LRRN4: variants seen among roughly 807,000 people sequenced by gnomAD.
LRRN4 encodes leucine-rich repeat neuronal protein 4.
A neutral mutation model predicts 22.3 loss-of-function variants in LRRN4; 26 were observed. That is an observed-to-expected ratio of 1.16 (90% CI 0.85 to 1.62). LRRN4 has a LOEUF of 1.62. Ranked by LOEUF, LRRN4 falls within the 40% of genes most tolerant of loss-of-function variation. The probability of loss-of-function intolerance (pLI) is 0.00; values close to 1 mark genes in which losing one functional copy is unlikely to be tolerated. For missense variants in LRRN4, 1,070 were observed against 1,008.5 expected, an observed-to-expected ratio of 1.06 and a Z score of -0.83; for synonymous variants, 496 against 486.2, an observed-to-expected ratio of 1.02 and a Z score of -0.26.
Position 6,041,666 on chromosome 20 carries a change from A to G in LRRN4, c.1579T>C (p.Tyr527His). ...GEIPVLLLDD[Y>H]SEEEEGRKEE... ...TTCCTCCCTTCCTCCTCCTCACTGTAGTCGTCCAGCAGCAAGACTGGAATC... is the reference window on the plus strand; with the variant it reads ...TTCCTCCCTTCCTCCTCCTCACTGTGGTCGTCCAGCAGCAAGACTGGAATC... Residue 527 changes from tyrosine (Y) to histidine (H), a missense_variant, in exon 5 of 5, where the codon TAC becomes CAC. Transcript: ENST00000378858. The surrounding 1 kb of genome is among the most constrained non-coding windows in gnomAD (Gnocchi z 9.4). The G allele has an allele frequency of 6.2e-7, 1 of 1,611,386 alleles. No individual in the cohort carries two copies. Among genetic ancestry groups the G allele is most frequent in the East Asian group, 2.2e-5 (1 of 44,814 alleles).
At chr20:6,053,084 A>G (rs755386354) in intron 1 of LRRN4, among the ~76,000 whole-genome samples, 21 of 151,988 alleles carry the variant, frequency 1.4e-4, no homozygotes, top group Non-Finnish European at 5.9e-5. Context: ...GGCCTTCTTC[A>G]TCTGTCCAAT....
Position 6,041,501 on chromosome 20 carries a change from G to C in LRRN4, c.1744C>G (p.Pro582Ala). 3 of 1,559,148 alleles carry C rather than the reference G, an allele frequency of 1.9e-6. No individual in the cohort carries two copies. Among genetic ancestry groups the C allele is most frequent in the Non-Finnish European group, 2.6e-6 (3 of 1,152,048 alleles). Residue 582 changes from proline to alanine, a missense_variant, in exon 5 of 5, where the codon CCG (proline) becomes GCG (alanine). Transcript: ENST00000378858. This position sits in a 1 kb window ranked among gnomAD's most constrained non-coding sequence, Gnocchi z 9.4. ...TCCGTCACCCCCTGCAGCCTGGGCG[G>C]GTCTGGGATGGTGTCTTCCCCGCTG... ...GLSGEDTIPDPPRLQGVTETT... is the reference protein window; with the variant it reads ...GLSGEDTIPDAPRLQGVTETT...
chr20:6,041,828 CTGAGA>C lies in LRRN4; in HGVS notation c.1412_1416del (p.Ile471SerfsTer57), dbSNP rs1387788565. The stretch of plus-strand genomic sequence containing the variant: ...TTGCTGGCCAGTGGGGTGGAGGCAG[CTGAGA>C]TATCAGGCTCAAGGACAAGCTCGGG... On this transcript the variant is annotated frameshift_variant, in exon 5 of 5. Coordinates refer to ENST00000378858, the MANE Select transcript of LRRN4 (RefSeq NM_152611.5). LOFTEE classifies it low-confidence loss of function (END_TRUNC). This position sits in a 1 kb window ranked among gnomAD's most constrained non-coding sequence, Gnocchi z 9.4. 1 of 1,614,022 alleles carries C rather than the reference CTGAGA, an allele frequency of 6.2e-7. No individual in the cohort carries two copies. Among genetic ancestry groups the C allele is most frequent in the African/African-American group, 1.3e-5 (1 of 74,924 alleles).
chr20:6,044,225 A>G (rs1370649802), intron 4 of LRRN4, among the ~76,000 whole-genome samples: 1 of 152,204 alleles, frequency 6.6e-6, no homozygotes. Context: ...AAGCCAGACT[A>G]CACTTCCCAG....
chr20:6,051,538 A>G (rs1289205715), intron 2 of LRRN4, among the ~76,000 whole-genome samples: 1 of 152,168 alleles, frequency 6.6e-6, no homozygotes, highest in East Asian at 1.9e-4. Flanking sequence ...AGTGTTTTTT[A>G]AAAAATAGTA....
rs1980925673 is a variant in LRRN4, at chr20:6,041,226, G to A, written c.2019C>T (p.Ala673=). The A allele has an allele frequency of 1.3e-6, 2 of 1,581,810 alleles. No homozygotes were observed. Among genetic ancestry groups the A allele is most frequent in the Non-Finnish European group, 8.6e-7 (1 of 1,163,094 alleles). ...RSSGWRSPCA[A]FTTKPSFALL... is the part of the protein sequence containing the mutation. ...GCGCGAAGCTGGGCTTGGTGGTGAA[G>A]GCGGCGCACGGGCTCCTCCAGCCCG... Residue 673 remains alanine (A), a synonymous_variant, in exon 5 of 5, where the codon GCC becomes GCT. Transcript: ENST00000378858. The surrounding 1 kb of genome is among the most constrained non-coding windows in gnomAD (Gnocchi z 9.4).
chr20:6,050,920 C>G lies in LRRN4; in HGVS notation c.719G>C (p.Arg240Pro), dbSNP rs776446442. The change falls in exon 3 of 5, where the codon CGG becomes CCG. Residue 240 changes from arginine to proline, a missense_variant. Physicochemically the swap from Arg to Pro is moderately radical, Grantham distance 103. Coordinates refer to ENST00000378858, the MANE Select transcript of LRRN4 (RefSeq NM_152611.5). The stretch of plus-strand genomic sequence containing the variant: ...AATGTCCCCCTCCAGGGTCGTCAGC[C>G]GAGGCATCTTCCTCAGGTAGAGGGA... ...LTSLYLRKMP[R>P]LTTLEGDIFK... 6 of 1,613,948 alleles carry G rather than the reference C, an allele frequency of 3.7e-6. No individual in the cohort carries two copies. Among genetic ancestry groups the G allele is most frequent in the South Asian group, 1.1e-5 (1 of 91,056 alleles).
Position 6,051,094 on chromosome 20 carries a change from T to A in LRRN4, c.656-111A>T, listed in dbSNP as rs553554387. ...CAAGGTGAATGGTGAAGGTCATCGC[T>A]GAGCACGGGCACAGTTAGCAGCTCT... On this transcript the variant is annotated intron_variant, in intron 2 of 4. Transcript: ENST00000378858. 211 of 887,954 alleles carry A rather than the reference T, an allele frequency of 2.4e-4. 11 individuals carry two copies. The South Asian group carries it at 3.0e-3, about 13-fold the overall frequency. The allele number at this position is 887,954 out of a possible 1,614,324, so 55.0% of individuals were successfully genotyped here.
rs1162166576 is a variant in LRRN4 at position 6,040,821 on chromosome 20, A to T, written c.*201T>A. On this transcript the variant is annotated 3_prime_UTR_variant, in exon 5 of 5. Coordinates refer to ENST00000378858, the MANE Select transcript of LRRN4 (RefSeq NM_152611.5). Reference sequence around the variant, plus strand: ...GGCATTGACCATCAGGTTTCTGGGAACAGAGTTAAGTAGAAGGAAGGGAGG... The same window carrying T: ...GGCATTGACCATCAGGTTTCTGGGATCAGAGTTAAGTAGAAGGAAGGGAGG... 1 of 678,874 alleles carries T rather than the reference A, an allele frequency of 1.5e-6. No homozygotes were observed. The highest frequency in any genetic ancestry group is 2.4e-6 in the Non-Finnish European group (1 of 414,612). The allele number at this position is 678,874 out of a possible 1,614,324, so 42.1% of individuals were successfully genotyped here. A position where few individuals can be genotyped will look rare whatever the true frequency, so the allele number is the denominator to read the frequency against.
intron 4 of LRRN4, among the ~76,000 whole-genome samples, chr20:6,042,822 G>A (rs1981002612): frequency 6.6e-6 from 1 of 151,622 alleles, no homozygotes; most frequent in Non-Finnish European, 1.5e-5. Flanking sequence ...AGGAGGCAGA[G>A]GCAGGAGAAT....
Position 6,041,090 on chromosome 20 carries a change from TGTCGCAGCGCTGCAGGCCCAGC to T in LRRN4, c.2133_2154del (p.Leu712ArgfsTer53). ...GGGTTTTTGTAGGCCACCAGGTGCGTGTCGCAGCGCTGCAGGCCCAGCGTCTGGCCCCGCCTGCAGAGACATG... is the reference window on the plus strand; with the variant it reads ...GGGTTTTTGTAGGCCACCAGGTGCGTGTCTGGCCCCGCCTGCAGAGACATG... On this transcript the variant is annotated frameshift_variant, in exon 5 of 5. Coordinates refer to ENST00000378858, the MANE Select transcript of LRRN4 (RefSeq NM_152611.5). LOFTEE classifies it low-confidence loss of function (END_TRUNC). The surrounding 1 kb of genome is among the most constrained non-coding windows in gnomAD (Gnocchi z 9.4). The T allele has an allele frequency of 6.2e-7, 1 of 1,613,642 alleles. No individual in the cohort carries two copies. The highest frequency in any genetic ancestry group is 1.3e-5 in the African/African-American group (1 of 75,054).
At position 6,041,561 on chromosome 20, in the gene LRRN4, G is replaced by C; in HGVS notation, c.1684C>G (p.Leu562Val). The change falls in exon 5 of 5, where the codon CTG (leucine) becomes GTG (valine). Residue 562 changes from leucine to valine, a missense_variant. Physicochemically the swap from Leu to Val is conservative, Grantham distance 32. Transcript: ENST00000378858. The surrounding 1 kb of genome is among the most constrained non-coding windows in gnomAD (Gnocchi z 9.4). The stretch of plus-strand genomic sequence containing the variant: ...CACCGGCACCGCCACCGCCTCTGCA[G>C]CTCCGCGCACGGGGTCTGCAGGTGC... Reference protein sequence around the residue: ...CKHLQTPCAELQRRWRCRCPG... With the variant: ...CKHLQTPCAEVQRRWRCRCPG... 6.4e-7 allele frequency: 1 copy of C among 1,555,060 alleles called. No homozygotes were observed. The highest frequency in any genetic ancestry group is 8.7e-7 in the Non-Finnish European group (1 of 1,148,946).
intron 4 of LRRN4, among the ~76,000 whole-genome samples, chr20:6,042,825 A>G (rs1167322595): frequency 6.6e-6 from 1 of 150,912 alleles, no homozygotes; most frequent in Non-Finnish European, 1.5e-5. Context: ...AGGCAGAGGC[A>G]GGAGAATCAC....
chr20:6,052,348 A>T lies in LRRN4; in HGVS notation c.452T>A (p.Leu151Gln), dbSNP rs770195351. 2 of 1,506,652 alleles carry T rather than the reference A, an allele frequency of 1.3e-6. No individual in the cohort carries two copies. Among genetic ancestry groups the T allele is most frequent in the Non-Finnish European group, 8.8e-7 (1 of 1,136,586 alleles). 93.3% of individuals were successfully genotyped at this position (1,506,652 alleles called of 1,614,324 possible). Residue 151 changes from leucine (L) to glutamine (Q), a missense_variant, in exon 2 of 5, where the codon CTG becomes CAG. By Grantham distance (113) the Leu-to-Gln change is moderately radical. Coordinates refer to ENST00000378858, the MANE Select transcript of LRRN4 (RefSeq NM_152611.5). ...CCGCAGCGGATTCCCGGCGAGCGCC[A>T]GGGCGCGGAGGCTGCTCAGCGCGGG... is the stretch of plus-strand genomic sequence containing the variant. ...TGPALSSLRA[L>Q]ALAGNPLRAL...
At chr20:6,051,560 G>C (rs1160319938) in intron 2 of LRRN4, among the ~76,000 whole-genome samples, 1 of 152,160 alleles carries the variant, frequency 6.6e-6, no homozygotes, top group Non-Finnish European at 1.5e-5. Flanking sequence ...AACCGACCTT[G>C]TGAATCAAAG....
rs755285631 is a variant in LRRN4 at position 6,041,678 on chromosome 20, G to C, written c.1567C>G (p.Leu523Val). Residue 523 changes from leucine to valine, a missense_variant, in exon 5 of 5, where the codon CTG becomes GTG. Coordinates refer to ENST00000378858, the MANE Select transcript of LRRN4 (RefSeq NM_152611.5). This position sits in a 1 kb window ranked among gnomAD's most constrained non-coding sequence, Gnocchi z 9.4. ...TCCTCCTCACTGTAGTCGTCCAGCA[G>C]CAAGACTGGAATCTCGCCCTCGGAA... ...SLSEGEIPVL[L>V]LDDYSEEEEG... The C allele has an allele frequency of 6.2e-7, 1 of 1,612,762 alleles. No homozygotes were observed. The highest frequency in any genetic ancestry group is 2.2e-5 in the East Asian group (1 of 44,840).
Position 6,041,170 on chromosome 20 carries a change from C to T in LRRN4, c.2075G>A (p.Gly692Asp). 1.3e-6 allele frequency: 2 copies of T among 1,598,884 alleles called. No individual in the cohort carries two copies. Among genetic ancestry groups the T allele is most frequent in the Non-Finnish European group, 1.7e-6 (2 of 1,172,344 alleles). The change falls in exon 5 of 5, where the codon GGC becomes GAC. Residue 692 changes from glycine (G) to aspartate (D), a missense_variant. Coordinates refer to ENST00000378858, the MANE Select transcript of LRRN4 (RefSeq NM_152611.5). This position sits in a 1 kb window ranked among gnomAD's most constrained non-coding sequence, Gnocchi z 9.4. Reference protein sequence around the residue: ...LLLSGLCAASGLLLASTVVLS... With the variant: ...LLLSGLCAASDLLLASTVVLS... The stretch of plus-strand genomic sequence containing the variant: ...CACCACGGTGCTGGCGAGCAACAGG[C>T]CGCTGGCGGCGCACAGCCCAGAGAG...
rs191004839 is a variant in LRRN4 at position 6,047,902 on chromosome 20, A to T, written c.860+2877T>A. ...AAATGGGGCCTGTGAAGATGGAAACATCTATCAGAAGGCAGTAAGGAAGAT... is the reference window on the plus strand; with the variant it reads ...AAATGGGGCCTGTGAAGATGGAAACTTCTATCAGAAGGCAGTAAGGAAGAT... On this transcript the variant is annotated intron_variant, in intron 3 of 4. Coordinates refer to ENST00000378858, the MANE Select transcript of LRRN4 (RefSeq NM_152611.5). Among the ~76,000 whole-genome samples the T allele has an allele frequency of 2.0e-5, 3 of 152,258 alleles. No individual in the cohort carries two copies. The East Asian group carries it at 5.8e-4, about 29-fold the overall frequency.
At position 6,041,386 on chromosome 20, in the gene LRRN4, G is replaced by C; in HGVS notation, c.1859C>G (p.Ala620Gly). The part of the protein sequence containing the change: ...YQIRYSAEGW[A>G]GNQSVVGVIY... ...GACCCCCACCACCGACTGGTTCCCC[G>C]CCCAGCCCTCCGCAGAGTAGCGGAT... The change falls in exon 5 of 5, where the codon GCG (alanine) becomes GGG (glycine). Residue 620 changes from alanine (A) to glycine (G), a missense_variant. Coordinates refer to ENST00000378858, the MANE Select transcript of LRRN4 (RefSeq NM_152611.5). This position sits in a 1 kb window ranked among gnomAD's most constrained non-coding sequence, Gnocchi z 9.4. 1.9e-6 allele frequency: 3 copies of C among 1,582,534 alleles called. No individual in the cohort carries two copies. Among genetic ancestry groups the C allele is most frequent in the Non-Finnish European group, 1.7e-6 (2 of 1,165,434 alleles).
Sources: allele counts gnomAD v4.1 joint callset (sites outside exome capture counted in the v4.1 genomes callset), GRCh38; gene constraint gnomAD v4.1.1; non-coding constraint Gnocchi (gnomAD v3.1); transcripts MANE v1.5; gene names NCBI Gene and HGNC (gene_info 2026-07-23, HGNC 2026-07-21).